Variants in TSPAN12 observed in about 807,000 individuals in gnomAD.
TSPAN12 encodes tetraspanin-12.
A neutral mutation model predicts 39.2 loss-of-function variants in TSPAN12; 19 were observed. The ratio of observed to expected loss-of-function variants is 0.49; its 90% CI spans 0.34 to 0.71. The LOEUF (loss-of-function observed/expected upper bound fraction) is 0.71. TSPAN12 is among the 30% of genes least tolerant of loss of function. The pLI is 0.01. For missense variants in TSPAN12, 314 were observed against 359.9 expected, an observed-to-expected ratio of 0.87 and a Z score of 1.03; for synonymous variants, 119 against 124.8, an observed-to-expected ratio of 0.95 and a Z score of 0.31.
Position 120,845,269 on chromosome 7 carries a change from A to C in TSPAN12, c.67-5160T>G, listed in dbSNP as rs533841920. Among the ~76,000 whole-genome samples the C allele has an allele frequency of 4.1e-4, 63 of 152,186 alleles. 1 individual carries two copies. The highest frequency in any genetic ancestry group is 1.5e-4 in the Non-Finnish European group (10 of 68,016). ...CCTGTGATGGGAGGGTCTGCTATGAAGGTCTCTGAAATGCCTTTGAGGCAT... is the reference window on the plus strand; with the variant it reads ...CCTGTGATGGGAGGGTCTGCTATGACGGTCTCTGAAATGCCTTTGAGGCAT... On this transcript the variant is annotated intron_variant, in intron 2 of 7. Transcript: ENST00000222747.
At chr7:120,838,445 G>A (rs1337584666) in intron 4 of TSPAN12, among the ~76,000 whole-genome samples, 1 of 152,166 alleles carries the variant, frequency 6.6e-6, no homozygotes, top group African/African-American at 2.4e-5. Context: ...AGAAGAGAAA[G>A]AAACAGTTCC....
chr7:120,809,484 T>C (rs1372841160), intron 6 of TSPAN12, among the ~76,000 whole-genome samples: 2 of 152,182 alleles, frequency 1.3e-5, no homozygotes, highest in Non-Finnish European at 2.9e-5. Context: ...TCTCAACAGT[T>C]GTACACAGCC....
At chr7:120,812,221 A>C (rs1275832317) in intron 5 of TSPAN12, among the ~76,000 whole-genome samples, 1 of 152,198 alleles carries the variant, frequency 6.6e-6, no homozygotes, top group Non-Finnish European at 1.5e-5. Context: ...ACAATACAAC[A>C]GTCATTACTG....
intron 2 of TSPAN12, among the ~76,000 whole-genome samples, chr7:120,845,500 C>G (rs1032328491): frequency 6.6e-6 from 1 of 152,174 alleles, no homozygotes. Flanking sequence ...TATGACCATA[C>G]ATTTTAGAAT....
At chr7:120,821,129 GA>G in intron 4 of TSPAN12, among the ~76,000 whole-genome samples, 1 of 151,938 alleles carries the variant, frequency 6.6e-6, no homozygotes, top group East Asian at 1.9e-4. Context: ...TACTTGCTTT[GA>G]AAAATTGTTC....
chr7:120,842,551 T>C lies in TSPAN12; in HGVS notation c.67-2442A>G, dbSNP rs561570582. On this transcript the variant is annotated intron_variant, in intron 2 of 7. Coordinates refer to ENST00000222747, the MANE Select transcript of TSPAN12 (RefSeq NM_012338.4). Reference sequence around the variant, plus strand: ...TAAGAGCTGGGATTCAAATTCAAGCTGTTGGGCTTCGACGTGCCAGGGTTA... The same window carrying C: ...TAAGAGCTGGGATTCAAATTCAAGCCGTTGGGCTTCGACGTGCCAGGGTTA... 6.6e-5 allele frequency among the ~76,000 whole-genome samples: 10 copies of C among 151,978 alleles called. No individual in the cohort carries two copies. In the East Asian group the frequency reaches 1.9e-3, roughly 29 times the overall value.
At chr7:120,845,871 T>A (rs1794659852) in intron 2 of TSPAN12, among the ~76,000 whole-genome samples, 2 of 152,264 alleles carry the variant, frequency 1.3e-5, no homozygotes, top group Non-Finnish European at 2.9e-5. Context: ...CTTTCACATA[T>A]TCAGGTATGT....
Position 120,788,529 on chromosome 7 carries a change from T to C in TSPAN12, c.*63A>G, listed in dbSNP as rs577816686. ...CTACATATTTCTGAAACACATAGTA[T>C]GTACTCAAAAATTCACAAGTCCAGT... On this transcript the variant is annotated 3_prime_UTR_variant, in exon 8 of 8. Transcript: ENST00000222747. 1.3e-6 allele frequency: 2 copies of C among 1,573,908 alleles called. No individual in the cohort carries two copies. The highest frequency in any genetic ancestry group is 1.4e-5 in the African/African-American group (1 of 74,052).
intron 4 of TSPAN12, among the ~76,000 whole-genome samples, chr7:120,834,122 C>T (rs912802132): frequency 6.6e-6 from 1 of 152,008 alleles, no homozygotes; most frequent in African/African-American, 2.4e-5. Flanking sequence ...TTGCTAAGAA[C>T]AAATCTAATG....
At chr7:120,821,895 A>C (rs1254866699) in intron 4 of TSPAN12, among the ~76,000 whole-genome samples, 3 of 152,202 alleles carry the variant, frequency 2.0e-5, no homozygotes, top group Non-Finnish European at 4.4e-5. Context: ...AGGCTATGAC[A>C]TGAACTTTTA....
chr7:120,849,251 G>A (rs1343827383), intron 2 of TSPAN12, among the ~76,000 whole-genome samples: 2 of 152,186 alleles, frequency 1.3e-5, no homozygotes, highest in Non-Finnish European at 2.9e-5. Flanking sequence ...CTTAGAAAGT[G>A]CTAGCTTTCA....
chr7:120,828,877 T>C (rs184275764), intron 4 of TSPAN12, among the ~76,000 whole-genome samples: 8 of 152,270 alleles, frequency 5.3e-5, no homozygotes, highest in African/African-American at 9.6e-5. Context: ...ATTCATATTC[T>C]ACTTAATTAG....
intron 4 of TSPAN12, among the ~76,000 whole-genome samples, chr7:120,831,794 A>T (rs1794395783): frequency 6.6e-6 from 1 of 152,024 alleles, no homozygotes; most frequent in Non-Finnish European, 1.5e-5. Flanking sequence ...TATATTTCAA[A>T]ATTGCTAAAA....
chr7:120,856,680 G>A lies in TSPAN12; in HGVS notation c.66+18C>T. 7 of 1,613,894 alleles carry A rather than the reference G, an allele frequency of 4.3e-6. No individual in the cohort carries two copies. The highest frequency in any genetic ancestry group is 5.9e-6 in the Non-Finnish European group (7 of 1,179,734). On this transcript the variant is annotated intron_variant, in intron 2 of 7. Transcript: ENST00000222747. ...GAGCCAGCCGTTCCCACCTGTTGGT[G>A]CAGTGAAACTTACTTACCCAAAAGA...
chr7:120,790,028 T>G (rs757399762), intron 7 of TSPAN12, among the ~76,000 whole-genome samples: 29 of 152,180 alleles, frequency 1.9e-4, no homozygotes, highest in Non-Finnish European at 3.2e-4. Flanking sequence ...TTTCGTGCCC[T>G]GTGTAAATCA....
At position 120,788,609 on chromosome 7, in the gene TSPAN12, C is replaced by T; in HGVS notation, c.901G>A (p.Glu301Lys). ...SMANSFNTHF[E>K]MEEL is the part of the protein sequence containing the mutation. ...ATTTCTTTTTATAACTCCTCCATCT[C>T]AAAGTGTGTATTAAAGCTGTTTGCC... Residue 301 changes from glutamate to lysine, a missense_variant, in exon 8 of 8, where the codon GAG becomes AAG. By Grantham distance (56) the Glu-to-Lys change is moderately conservative (BLOSUM62 1). Coordinates refer to ENST00000222747, the MANE Select transcript of TSPAN12 (RefSeq NM_012338.4). 2 of 1,614,156 alleles carry T rather than the reference C, an allele frequency of 1.2e-6. No individual in the cohort carries two copies. The highest frequency in any genetic ancestry group is 4.5e-5 in the East Asian group (2 of 44,884).
intron 2 of TSPAN12, among the ~76,000 whole-genome samples, chr7:120,843,763 G>A (rs1364890525): frequency 6.6e-6 from 1 of 152,180 alleles, no homozygotes; most frequent in Non-Finnish European, 1.5e-5. Context: ...CTAATTGACA[G>A]CAGAACATAT....
At chr7:120,857,578 C>G (rs1318272100) in intron 1 of TSPAN12, among the ~76,000 whole-genome samples, 1 of 152,088 alleles carries the variant, frequency 6.6e-6, no homozygotes, top group East Asian at 1.9e-4. Context: ...TCAAACCCCG[C>G]TTCCCCCGCC....
At chr7:120,812,162 A>G (rs1248220576) in intron 5 of TSPAN12, among the ~76,000 whole-genome samples, 5 of 152,252 alleles carry the variant, frequency 3.3e-5, no homozygotes, top group African/African-American at 1.2e-4. Context: ...GTATTTAATC[A>G]TGACAGAGCT....
Sources: allele counts gnomAD v4.1 joint callset (sites outside exome capture counted in the v4.1 genomes callset), GRCh38; gene constraint gnomAD v4.1.1; transcripts MANE v1.5; gene names NCBI Gene and HGNC (gene_info 2026-07-23, HGNC 2026-07-21).